The following MTUS1 variants were observed in gnomAD, a reference collection of about 807,000 sequenced individuals.
MTUS1 encodes the protein microtubule associated scaffold protein 1.
MTUS1 carries 109 observed loss-of-function variants against 120.8 expected under a neutral mutation model. That is an observed-to-expected ratio of 0.90 (90% CI 0.77 to 1.06). The LOEUF is 1.06. Among genes scored for constraint, MTUS1 ranks in the 50% least tolerant of loss-of-function variants. MTUS1 has a pLI of 0.00. For synonymous variants in MTUS1, 737 were observed against 550.5 expected, an observed-to-expected ratio of 1.34 and a Z score of -4.74; for missense variants, 2,210 against 1,486.3, an observed-to-expected ratio of 1.49 and a Z score of -8.01.
intron 12 of MTUS1, among the ~76,000 whole-genome samples, chr8:17,650,497 C>T (rs933827527): frequency 6.6e-6 from 1 of 151,950 alleles, no homozygotes; most frequent in African/African-American, 2.4e-5. Context: ...TCTATTGTGA[C>T]ACCCCAGTAC....
chr8:17,722,222 G>A, intron 4 of MTUS1: 1 of 1,003,924 alleles, frequency 1.0e-6, no homozygotes, highest in Non-Finnish European at 1.2e-6. Context: ...ACACAGTACT[G>A]AAACGGTGGC....
intron 3 of MTUS1, among the ~76,000 whole-genome samples, chr8:17,727,005 C>G (rs1232734659): frequency 1.3e-5 from 2 of 152,096 alleles, no homozygotes; most frequent in Non-Finnish European, 2.9e-5. Context: ...TACAGAAGAC[C>G]TGTACCTTCA....
At chr8:17,777,735 A>T (rs2050567787) in intron 1 of MTUS1, among the ~76,000 whole-genome samples, 1 of 152,166 alleles carries the variant, frequency 6.6e-6, no homozygotes, top group South Asian at 2.1e-4. Flanking sequence ...TATTTGCTTG[A>T]ATTTTTATGA....
chr8:17,749,679 G>T (rs1054316259), intron 2 of MTUS1, among the ~76,000 whole-genome samples: 4 of 143,274 alleles, frequency 2.8e-5, no homozygotes, highest in Non-Finnish European at 4.6e-5. Context: ...AAAAAAAAAA[G>T]AAAGAAAAAG....
chr8:17,787,292 C>T (rs2051385775), intron 1 of MTUS1, among the ~76,000 whole-genome samples: 1 of 152,186 alleles, frequency 6.6e-6, no homozygotes, highest in South Asian at 2.1e-4. Flanking sequence ...AGTCATCCTC[C>T]CAGTAGACAG....
intron 2 of MTUS1, among the ~76,000 whole-genome samples, chr8:17,749,088 A>G (rs2047988768): frequency 6.6e-6 from 1 of 152,154 alleles, no homozygotes; most frequent in South Asian, 2.1e-4. Flanking sequence ...CTAGTTCAGG[A>G]TATGAAAGGA....
chr8:17,754,129 T>G lies in MTUS1; in HGVS notation c.1679A>C (p.Asp560Ala). The G allele has an allele frequency of 6.2e-7, 1 of 1,613,934 alleles. No individual in the cohort carries two copies. The highest frequency in any genetic ancestry group is 8.5e-7 in the Non-Finnish European group (1 of 1,180,032). Reference protein sequence around the residue: ...QTVLSRTPRSDLNADKKAEIL... With the variant: ...QTVLSRTPRSALNADKKAEIL... ...TTCTGCTTTTTTGTCTGCATTCAAGTCAGATCTCGGTGTTCTGCTCAAGAC... is the reference window on the plus strand; with the variant it reads ...TTCTGCTTTTTTGTCTGCATTCAAGGCAGATCTCGGTGTTCTGCTCAAGAC... Residue 560 changes from aspartate to alanine, a missense_variant, in exon 2 of 15, where the codon GAC becomes GCC. By Grantham distance (126) the Asp-to-Ala change is moderately radical. Transcript: ENST00000693296.
chr8:17,646,880 A>T (rs1220220821), intron 14 of MTUS1, 102 bp downstream of exon 14: 1 of 781,208 alleles, frequency 1.3e-6, no homozygotes, highest in Non-Finnish European at 2.2e-6. Flanking sequence ...ATCTGCTTCC[A>T]TCATATTTCC....
At chr8:17,646,260 T>A in intron 14 of MTUS1, 121 bp from the exon 15 acceptor site, 1 of 1,094,578 alleles carries the variant, frequency 9.1e-7, no homozygotes, top group Non-Finnish European at 1.3e-6. Context: ...AACAGAATCC[T>A]GCACAAGGTC....
chr8:17,646,776 C>T (rs891429450), intron 14 of MTUS1, among the ~76,000 whole-genome samples: 1 of 152,134 alleles, frequency 6.6e-6, no homozygotes. Context: ...GGCTTGCTGG[C>T]CTGGGTCTCA....
chr8:17,772,466 T>C (rs949544752), intron 1 of MTUS1, among the ~76,000 whole-genome samples: 1 of 152,214 alleles, frequency 6.6e-6, no homozygotes, highest in African/African-American at 2.4e-5. Context: ...TCATATTATA[T>C]CTGCTAAAAC....
chr8:17,703,671 C>G (rs1030743176), intron 6 of MTUS1, among the ~76,000 whole-genome samples: 8 of 151,224 alleles, frequency 5.3e-5, no homozygotes, highest in Non-Finnish European at 1.0e-4. Context: ...GCCCTGGTCT[C>G]CTAGTCTCCT....
intron 6 of MTUS1, among the ~76,000 whole-genome samples, chr8:17,702,481 G>GT (rs1383558615): frequency 6.6e-6 from 1 of 152,106 alleles, no homozygotes; most frequent in East Asian, 1.9e-4. Flanking sequence ...GCACAATGCT[G>GT]TAACAAACAT....
chr8:17,677,464 A>T (rs912718819), intron 7 of MTUS1, among the ~76,000 whole-genome samples: 1 of 152,210 alleles, frequency 6.6e-6, no homozygotes, highest in Non-Finnish European at 1.5e-5. Context: ...ATCATTTTTC[A>T]AATTTATGGA....
At chr8:17,758,456 C>A (rs1199453427) in intron 1 of MTUS1, among the ~76,000 whole-genome samples, 1 of 152,224 alleles carries the variant, frequency 6.6e-6, no homozygotes, top group Non-Finnish European at 1.5e-5. Context: ...TACCATATAA[C>A]TCCTTAGTGA....
intron 7 of MTUS1, among the ~76,000 whole-genome samples, chr8:17,677,781 C>T (rs1001543240): frequency 6.6e-5 from 10 of 152,278 alleles, no homozygotes; most frequent in Admixed American, 6.5e-4. Flanking sequence ...ATGGGTTGTG[C>T]AAAAGTCAGT....
intron 9 of MTUS1, chr8:17,655,031 C>T (rs7000643): frequency 0.13 from 25,707 of 200,774 alleles, 2,127 homozygotes; most frequent in African/African-American, 0.23. Flanking sequence ...CAGAGGCTCT[C>T]CAGGGTGACA....
At chr8:17,663,445 C>T (rs1054326123) in intron 8 of MTUS1, among the ~76,000 whole-genome samples, 4 of 152,126 alleles carry the variant, frequency 2.6e-5, no homozygotes, top group Admixed American at 6.5e-5. Flanking sequence ...CATTATGAGA[C>T]GACCAAAAAT....
chr8:17,724,842 G>C (rs2410506), intron 3 of MTUS1, among the ~76,000 whole-genome samples: 3 of 152,022 alleles, frequency 2.0e-5, no homozygotes, highest in Non-Finnish European at 4.4e-5. Flanking sequence ...TGAATCTCAA[G>C]GCTACTCATG....
Sources: allele counts gnomAD v4.1 joint callset (sites outside exome capture counted in the v4.1 genomes callset), GRCh38; gene constraint gnomAD v4.1.1; transcripts MANE v1.5; gene names NCBI Gene and HGNC (gene_info 2026-07-23, HGNC 2026-07-21).